The following PCSK5 variants were observed in gnomAD, a reference collection of about 807,000 sequenced individuals.
PCSK5 encodes the protein proprotein convertase subtilisin/kexin type 5.
A neutral mutation model predicts 233.2 loss-of-function variants in PCSK5; 129 were observed. That is an observed-to-expected ratio of 0.55 (90% CI 0.48 to 0.64). The LOEUF (loss-of-function observed/expected upper bound fraction) is 0.64. Among genes scored for constraint, PCSK5 ranks in the 30% least tolerant of loss-of-function variants. PCSK5 has a pLI of 0.00. For missense variants in PCSK5, 2,076 were observed against 2,430.1 expected (o/e 0.85, Z 3.06); for synonymous variants, 825 against 879.2 (o/e 0.94, Z 1.09).
chr9:76,064,817 G>T (rs1830222124), intron 5 of PCSK5, among the ~76,000 whole-genome samples: 1 of 151,946 alleles, frequency 6.6e-6, no homozygotes, highest in Admixed American at 6.6e-5. Context: ...ACGATGGGCG[G>T]CCGGGCAGAG....
intron 12 of PCSK5, among the ~76,000 whole-genome samples, chr9:76,163,660 G>A (rs1422159199): frequency 1.3e-5 from 2 of 151,666 alleles, no homozygotes; most frequent in Admixed American, 1.3e-4. Context: ...CTTCCATAAA[G>A]AGCATGGAGG....
At chr9:76,275,079 G>A in intron 24 of PCSK5, among the ~76,000 whole-genome samples, 1 of 151,954 alleles carries the variant, frequency 6.6e-6, no homozygotes, top group Non-Finnish European at 1.5e-5. Flanking sequence ...ATTAGGTCCT[G>A]CCTCTAACAT....
At chr9:76,035,042 C>G (rs1465294105) in intron 5 of PCSK5, among the ~76,000 whole-genome samples, 1 of 152,122 alleles carries the variant, frequency 6.6e-6, no homozygotes, top group African/African-American at 2.4e-5. Flanking sequence ...CTGTCTTGCC[C>G]TCTGGCTTCC....
intron 2 of PCSK5, among the ~76,000 whole-genome samples, chr9:75,984,718 C>T (rs1826428995): frequency 6.6e-6 from 1 of 152,114 alleles, no homozygotes; most frequent in Non-Finnish European, 1.5e-5. Flanking sequence ...AAGGTAAAAC[C>T]AATTCTTACT....
At position 76,259,623 on chromosome 9, in the gene PCSK5, C is replaced by T. The variant is rs533799880; in HGVS notation, c.3142+18939C>T. Among the ~76,000 whole-genome samples, 7 of 152,232 alleles carry T rather than the reference C, an allele frequency of 4.6e-5. No individual in the cohort carries two copies. The South Asian group carries it at 6.2e-4, about 14-fold the overall frequency. ...AATGTAACTTCCAGGCAGGCAGAGA[C>T]TTGATCGATTCTATTTACTGTTGTT... On this transcript the variant is annotated intron_variant, in intron 24 of 37. Coordinates refer to ENST00000674117, the MANE Select transcript of PCSK5 (RefSeq NM_001372043.1).
intron 10 of PCSK5, among the ~76,000 whole-genome samples, chr9:76,134,684 A>G (rs80229016): frequency 0.014 from 2,200 of 152,162 alleles, 50 homozygotes; most frequent in African/African-American, 0.049. Flanking sequence ...CCACAAAGAA[A>G]AGCAGGTAAT....
intron 8 of PCSK5, among the ~76,000 whole-genome samples, chr9:76,103,601 G>A (rs932901813): frequency 6.6e-6 from 1 of 152,150 alleles, no homozygotes. Context: ...TCTTAGTGGA[G>A]GCTGTCTAAA....
chr9:76,185,677 C>T (rs1824070255), intron 17 of PCSK5, among the ~76,000 whole-genome samples: 1 of 152,084 alleles, frequency 6.6e-6, no homozygotes. Context: ...GAATTAGCCA[C>T]CTAATTCTTC....
intron 9 of PCSK5, among the ~76,000 whole-genome samples, chr9:76,115,023 G>A (rs1226661968): frequency 6.6e-6 from 1 of 152,040 alleles, no homozygotes; most frequent in Non-Finnish European, 1.5e-5. Context: ...TAGCCAACAG[G>A]TAATGAATTA....
intron 20 of PCSK5, among the ~76,000 whole-genome samples, chr9:76,207,818 A>T (rs1040190234): frequency 6.6e-6 from 1 of 152,148 alleles, no homozygotes; most frequent in African/African-American, 2.4e-5. Context: ...TTTTTCCCTG[A>T]TGGAGCCTTG....
intron 27 of PCSK5, among the ~76,000 whole-genome samples, chr9:76,299,860 C>A (rs1008860668): frequency 6.6e-6 from 1 of 152,176 alleles, no homozygotes; most frequent in African/African-American, 2.4e-5. Flanking sequence ...AAGCACTTTC[C>A]TCTGCTACTG....
rs1829120520 is a variant in PCSK5, at chr9:76,041,620, T to C, written c.632+14583T>C. 2.0e-5 allele frequency among the ~76,000 whole-genome samples: 3 copies of C among 152,066 alleles called. 1 individual carries two copies. In the South Asian group the frequency reaches 6.2e-4, roughly 32 times the overall value. On this transcript the variant is annotated intron_variant, in intron 5 of 37. Transcript: ENST00000674117. ...ACTTTGGGAGGCCAAGGCGGGCGGA[T>C]CACGAGGTCAAGAGATCAAGACAAT...
chr9:76,189,767 C>T lies in PCSK5; in HGVS notation c.2626+21C>T, dbSNP rs762473698. ...GGATGGTGAGTACAACTGCCCATAT[C>T]GATCTTATGAAGCAAAGTATGATCT... On this transcript the variant is annotated intron_variant, in intron 20 of 37. Transcript: ENST00000674117. The T allele has an allele frequency of 1.1e-4, 133 of 1,236,718 alleles. 1 individual carries two copies. In the South Asian group the frequency reaches 1.3e-3, roughly 12 times the overall value. The allele number at this position is 1,236,718 out of a possible 1,614,324, so 76.6% of individuals were successfully genotyped here. A position where few individuals can be genotyped will look rare whatever the true frequency, so the allele number is the denominator to read the frequency against.
intron 5 of PCSK5, among the ~76,000 whole-genome samples, chr9:76,048,286 T>C (rs1015516928): frequency 6.6e-6 from 1 of 152,216 alleles, no homozygotes. Flanking sequence ...GGTGCTCGAA[T>C]TGGCACAGGT....
At chr9:76,283,667 A>T (rs1480214672) in intron 24 of PCSK5, among the ~76,000 whole-genome samples, 1 of 152,196 alleles carries the variant, frequency 6.6e-6, no homozygotes, top group Non-Finnish European at 1.5e-5. Flanking sequence ...ATACTATTTT[A>T]AATATATTCC....
At chr9:76,206,889 C>G (rs763649633) in intron 20 of PCSK5, among the ~76,000 whole-genome samples, 18 of 152,182 alleles carry the variant, frequency 1.2e-4, no homozygotes, top group Non-Finnish European at 1.0e-4. Flanking sequence ...TTCCCTCACA[C>G]TTCTGGAGGT....
chr9:76,355,283 T>C (rs1024470415), intron 37 of PCSK5, among the ~76,000 whole-genome samples: 8 of 152,072 alleles, frequency 5.3e-5, no homozygotes, highest in African/African-American at 1.9e-4. Context: ...ACGTCCTGGC[T>C]AACATAGTGA....
At chr9:76,149,208 A>G (rs1439811550) in intron 10 of PCSK5, among the ~76,000 whole-genome samples, 1 of 152,236 alleles carries the variant, frequency 6.6e-6, no homozygotes, top group Non-Finnish European at 1.5e-5. Flanking sequence ...GATATGTGGT[A>G]GCTTTCTTCC....
At chr9:76,148,742 A>G (rs944339664) in intron 10 of PCSK5, among the ~76,000 whole-genome samples, 2 of 152,104 alleles carry the variant, frequency 1.3e-5, no homozygotes, top group Admixed American at 6.6e-5. Flanking sequence ...CACCATTTCC[A>G]TAACCTGGTT....
Sources: allele counts gnomAD v4.1 joint callset (sites outside exome capture counted in the v4.1 genomes callset), GRCh38; gene constraint gnomAD v4.1.1; transcripts MANE v1.5; gene names NCBI Gene and HGNC (gene_info 2026-07-23, HGNC 2026-07-21).